SHKBP1: variants seen among roughly 807,000 people sequenced by gnomAD.
SHKBP1 encodes SH3KBP1-binding protein 1.
Under a neutral mutation model 83.9 loss-of-function variants are expected in SHKBP1, and 71 were observed. The ratio of observed to expected loss-of-function variants is 0.85; its 90% confidence interval spans 0.70 to 1.03. The LOEUF is 1.03. Ranked by LOEUF, SHKBP1 falls within the 50% of genes least tolerant of loss-of-function variation. The probability of loss-of-function intolerance (pLI) is 0.00; values close to 1 mark genes in which losing one functional copy is unlikely to be tolerated. For missense variants in SHKBP1, 824 were observed against 982.4 expected (o/e 0.84, Z 2.16); for synonymous variants, 371 against 398.0 (o/e 0.93, Z 0.81).
intron 6 of SHKBP1, 108 bp downstream of exon 6, chr19:40,578,650 G>A (rs2081242766): frequency 1.0e-6 from 1 of 963,306 alleles, no homozygotes; most frequent in South Asian, 1.4e-5. Flanking sequence ...AGATACAGTG[G>A]GAGGTGTAGT....
At chr19:40,577,087 G>GCC (rs35684786) in intron 1 of SHKBP1, 102 bp downstream of exon 1, 29,773 of 1,038,784 alleles carry the variant, frequency 0.029, 360 homozygotes, top group Admixed American at 0.061. Flanking sequence ...GGGTTGCTCC[G>GCC]CCCCCCCCCC....
intron 15 of SHKBP1, 65 bp downstream of exon 15, chr19:40,589,243 G>A: frequency 7.0e-7 from 1 of 1,427,098 alleles, no homozygotes; most frequent in East Asian, 2.4e-5. Flanking sequence ...GAGGTCAGGG[G>A]AGAAGGCAAG....
rs1165383171 is a variant in SHKBP1 at position 40,590,476 on chromosome 19, C to T, written c.1768+54C>T. ...CCAAGCCCCACAGCCTCACCCAGAA[C>T]CACTCTCCACTGCCAACTGCTTGAT... On this transcript the variant is annotated intron_variant, in intron 16 of 17. Transcript: ENST00000291842. The surrounding 1 kb of genome is among the most constrained non-coding windows in gnomAD (Gnocchi z 4.6). 2 of 1,535,866 alleles carry T rather than the reference C, an allele frequency of 1.3e-6. No homozygotes were observed. Among genetic ancestry groups the T allele is most frequent in the African/African-American group, 2.7e-5 (2 of 73,138 alleles).
chr19:40,588,592 G>C, intron 13 of SHKBP1, 32 bp from the exon 14 acceptor site: 1 of 1,613,418 alleles, frequency 6.2e-7, no homozygotes, highest in South Asian at 1.1e-5. Flanking sequence ...CCTGCACCAG[G>C]CCTGACTTCC....
At chr19:40,589,507 G>A (rs1212707220) in intron 15 of SHKBP1, among the ~76,000 whole-genome samples, 2 of 122,108 alleles carry the variant, frequency 1.6e-5, no homozygotes, top group Non-Finnish European at 3.5e-5. Context: ...CAGGGGGAGA[G>A]GTCGGGGTGG....
At chr19:40,585,170 G>A (rs1466943191) in intron 12 of SHKBP1, among the ~76,000 whole-genome samples, 1 of 152,096 alleles carries the variant, frequency 6.6e-6, no homozygotes, top group Non-Finnish European at 1.5e-5. Context: ...GCAGTGGCAT[G>A]ATGTGAGTTC....
chr19:40,577,212 G>A lies in SHKBP1; in HGVS notation c.87-19G>A. Reference sequence around the variant, plus strand: ...CCGCTCCTCTTCATCTCTTGCGTCCGTTTACCTTCCCCGCCCAGATTCAGT... The same window carrying A: ...CCGCTCCTCTTCATCTCTTGCGTCCATTTACCTTCCCCGCCCAGATTCAGT... On this transcript the variant is annotated intron_variant, in intron 1 of 17. Transcript: ENST00000291842. 6.2e-7 allele frequency: 1 copy of A among 1,612,802 alleles called. No homozygotes were observed. Among genetic ancestry groups the A allele is most frequent in the Non-Finnish European group, 8.5e-7 (1 of 1,179,882 alleles).
Position 40,590,834 on chromosome 19 carries a change from C to T in SHKBP1, c.1873C>T (p.Pro625Ser), listed in dbSNP as rs1234626530. Reference sequence around the variant, plus strand: ...ATGGGGCTGTCTCCCCAGCCCCTCACCCCGCATCTCCCTCACCAGGTAGCC... The same window carrying T: ...ATGGGGCTGTCTCCCCAGCCCCTCATCCCGCATCTCCCTCACCAGGTAGCC... ...PSWGCLPSPS[P>S]RISLTSLHSA... Residue 625 changes from proline (P) to serine (S), a missense_variant, in exon 17 of 18, where the codon CCC becomes TCC. Around this residue, in one of 3 missense-constraint regions of SHKBP1, gnomAD observed 287 missense variants for 322.9 expected, o/e 0.89. Coordinates refer to ENST00000291842, the MANE Select transcript of SHKBP1 (RefSeq NM_138392.4). The surrounding 1 kb of genome is among the most constrained non-coding windows in gnomAD (Gnocchi z 4.6). 6.3e-7 allele frequency: 1 copy of T among 1,586,004 alleles called. No homozygotes were observed.
Position 40,586,816 on chromosome 19 carries a change from CAG to C in SHKBP1, c.1209_1210del (p.Gly405ArgfsTer73), listed in dbSNP as rs1568392961. Reference sequence around the variant, plus strand: ...ATCGAGATCGCCTATGGCACCAGCTCAGGGGGCGTGCGGGTCATCGTGCAGCA... The same window carrying C: ...ATCGAGATCGCCTATGGCACCAGCTCGGGGCGTGCGGGTCATCGTGCAGCA... On this transcript the variant is annotated frameshift_variant, in exon 13 of 18. Transcript: ENST00000291842. LOFTEE classifies it high-confidence loss of function. 2.5e-6 allele frequency: 4 copies of C among 1,609,444 alleles called. No homozygotes were observed. The highest frequency in any genetic ancestry group is 2.7e-5 in the African/African-American group (2 of 74,794).
intron 12 of SHKBP1, chr19:40,585,622 A>T (rs934349247): frequency 6.8e-6 from 1 of 146,422 alleles, no homozygotes; most frequent in Non-Finnish European, 1.5e-5. Flanking sequence ...ATCTCAGCTC[A>T]CTACAACCTC....
At chr19:40,586,610 A>G in intron 12 of SHKBP1, 164 bp from the exon 13 acceptor site, 1 of 592,512 alleles carries the variant, frequency 1.7e-6, no homozygotes, top group South Asian at 4.6e-5. Context: ...CAAGCGATCC[A>G]CCCGCCTCAG....
chr19:40,588,095 G>A (rs1265315527), intron 13 of SHKBP1, among the ~76,000 whole-genome samples: 2 of 152,196 alleles, frequency 1.3e-5, no homozygotes, highest in East Asian at 3.9e-4. Flanking sequence ...CATTCAGGCC[G>A]AGGGAACAGG....
intron 12 of SHKBP1, among the ~76,000 whole-genome samples, chr19:40,586,223 T>C (rs1452884367): frequency 1.3e-5 from 2 of 152,182 alleles, no homozygotes; most frequent in African/African-American, 2.4e-5. Context: ...TGTTACAATT[T>C]CTGTCTCTGG....
At chr19:40,589,005 G>T (rs1200788622) in intron 14 of SHKBP1, 77 bp from the exon 15 acceptor site, 4 of 1,468,152 alleles carry the variant, frequency 2.7e-6, no homozygotes, top group African/African-American at 2.8e-5. Context: ...TGGGGTGGTG[G>T]GTTTCATCAG....
chr19:40,587,670 G>A (rs927255290), intron 13 of SHKBP1, among the ~76,000 whole-genome samples: 1 of 152,218 alleles, frequency 6.6e-6, no homozygotes, highest in Non-Finnish European at 1.5e-5. Flanking sequence ...GGAGGCCAAG[G>A]TGGGAGGATT....
At chr19:40,577,136 G>C in intron 1 of SHKBP1, 95 bp from the exon 2 acceptor site, 1 of 1,503,356 alleles carries the variant, frequency 6.7e-7, no homozygotes, top group African/African-American at 1.4e-5. Context: ...GCCGGGGGAG[G>C]GGGAAGGGGA....
In SHKBP1 at chr19:40,586,817, A is replaced by C. The variant is rs1313410721; in HGVS notation, c.1209A>C (p.Ser403=). ...TCGAGATCGCCTATGGCACCAGCTC[A>C]GGGGGCGTGCGGGTCATCGTGCAGC... ...NWIEIAYGTS[S]GGVRVIVQHP... is the part of the protein sequence containing the mutation. Residue 403 remains serine, a synonymous_variant, in exon 13 of 18, where the codon TCA becomes TCC. Coordinates refer to ENST00000291842, the MANE Select transcript of SHKBP1 (RefSeq NM_138392.4). 3 of 1,609,346 alleles carry C rather than the reference A, an allele frequency of 1.9e-6. No homozygotes were observed. In the African/African-American group the frequency reaches 4.0e-5, roughly 22 times the overall value.
intron 1 of SHKBP1, 62 bp downstream of exon 1, chr19:40,577,047 G>C: frequency 2.3e-6 from 3 of 1,286,496 alleles, no homozygotes; most frequent in Non-Finnish European, 3.2e-6. Flanking sequence ...GGGAGTATCC[G>C]CCTCTCCTGG....
At chr19:40,586,359 C>A (rs1288760156) in intron 12 of SHKBP1, among the ~76,000 whole-genome samples, 4 of 150,694 alleles carry the variant, frequency 2.7e-5, no homozygotes, top group Admixed American at 6.6e-5. Context: ...GTGTCTCTTT[C>A]TTTCTTTCTT....
Sources: allele counts gnomAD v4.1 joint callset (sites outside exome capture counted in the v4.1 genomes callset), GRCh38; gene constraint gnomAD v4.1.1; regional missense constraint gnomAD v4.1.1; non-coding constraint Gnocchi (gnomAD v3.1); transcripts MANE v1.5; gene names NCBI Gene and HGNC (gene_info 2026-07-23, HGNC 2026-07-21).